Variants in SLC28A1 observed in about 807,000 individuals in gnomAD.
SLC28A1 encodes the protein sodium/nucleoside cotransporter 1.
SLC28A1 carries 64 observed loss-of-function variants against 74.8 expected under a neutral mutation model. The ratio of observed to expected loss-of-function variants is 0.86; its 90% confidence interval spans 0.70 to 1.05. SLC28A1 has a LOEUF of 1.05. Among genes scored for constraint, SLC28A1 ranks in the 50% least tolerant of loss-of-function variants. The probability of loss-of-function intolerance (pLI) is 0.00; values close to 1 mark genes in which losing one functional copy is unlikely to be tolerated. For synonymous variants in SLC28A1, 359 were observed against 335.0 expected, an observed-to-expected ratio of 1.07 and a Z score of -0.78; for missense variants, 828 against 822.8, an observed-to-expected ratio of 1.01 and a Z score of -0.08.
intron 3 of SLC28A1, 46 bp from the exon 4 acceptor site, chr15:84,888,726 G>A (rs541757744): frequency 4.3e-6 from 6 of 1,393,188 alleles, no homozygotes; most frequent in African/African-American, 1.4e-5. Flanking sequence ...AGTTCCTGGG[G>A]GTGGGTAAGG....
intron 12 of SLC28A1, among the ~76,000 whole-genome samples, chr15:84,932,150 C>T (rs1971382094): frequency 6.6e-6 from 1 of 152,192 alleles, no homozygotes; most frequent in African/African-American, 2.4e-5. Context: ...TTTGGTTCTT[C>T]TCTACCTGCA....
intron 18 of SLC28A1, 47 bp downstream of exon 18, chr15:84,944,914 C>T: frequency 1.4e-6 from 2 of 1,380,402 alleles, no homozygotes; most frequent in Non-Finnish European, 2.1e-6. Context: ...CAGTGATAGA[C>T]AGAATGCCTG....
At chr15:84,910,327 C>T (rs943457932) in intron 9 of SLC28A1, among the ~76,000 whole-genome samples, 4 of 152,208 alleles carry the variant, frequency 2.6e-5, no homozygotes, top group Admixed American at 2.6e-4. Context: ...TTTGCATAAC[C>T]AATGCGGGGG....
At chr15:84,915,719 A>C (rs761459352) in intron 9 of SLC28A1, among the ~76,000 whole-genome samples, 22 of 152,148 alleles carry the variant, frequency 1.4e-4, no homozygotes, top group Non-Finnish European at 2.2e-4. Context: ...GCTAGTGACT[A>C]TCCCTTCTTG....
chr15:84,935,345 C>T lies in SLC28A1; in HGVS notation c.1408C>T (p.Pro470Ser). 1 of 1,614,228 alleles carries T rather than the reference C, an allele frequency of 6.2e-7. No homozygotes were observed. Among genetic ancestry groups the T allele is most frequent in the East Asian group, 2.2e-5 (1 of 44,882 alleles). ...GCTCATCTGCTCCTACATCCTGCGGCCTGTAGCCTTCTTGATGGGTGTGGC... is the reference window on the plus strand; with the variant it reads ...GCTCATCTGCTCCTACATCCTGCGGTCTGTAGCCTTCTTGATGGGTGTGGC... The part of the protein sequence containing the change: ...FQLICSYILR[P>S]VAFLMGVAWE... The change falls in exon 15 of 19, where the codon CCT becomes TCT. Residue 470 changes from proline (P) to serine (S), a missense_variant. Around this residue, in one of 3 missense-constraint regions of SLC28A1, gnomAD observed 767 missense variants for 753.5 expected, o/e 1.02. Transcript: ENST00000394573.
At chr15:84,961,554 T>C in the SLC28A1 span, 2 of 452,886 alleles carry the variant, frequency 4.4e-6, no homozygotes, top group Non-Finnish European at 8.9e-6. Flanking sequence ...TTGACCAGGC[T>C]GGTCTTGAAC....
At position 84,905,652 on chromosome 15, in the gene SLC28A1, G is replaced by A; in HGVS notation, c.717G>A (p.Arg239=). 1.2e-6 allele frequency: 2 copies of A among 1,607,558 alleles called. No individual in the cohort carries two copies. Among genetic ancestry groups the A allele is most frequent in the Non-Finnish European group, 1.7e-6 (2 of 1,174,146 alleles). ...IAFEWLGEQI[R]IFLSYTKAGS... Reference sequence around the variant, plus strand: ...TCGAGTGGCTGGGCGAGCAGATCCGGGTAGGTATGTGGGGTCTGGCTGCCC... The same window carrying A: ...TCGAGTGGCTGGGCGAGCAGATCCGAGTAGGTATGTGGGGTCTGGCTGCCC... The change falls in exon 8 of 19, where the codon CGG becomes CGA. Residue 239 remains arginine (R), a splice_region_variant and synonymous_variant. Transcript: ENST00000394573.
intron 6 of SLC28A1, among the ~76,000 whole-genome samples, chr15:84,899,772 A>T (rs772167615): frequency 6.6e-6 from 1 of 152,194 alleles, no homozygotes; most frequent in Non-Finnish European, 1.5e-5. Flanking sequence ...TCACACCTGT[A>T]GTCCCAGCTG....
At chr15:84,904,021 TC>T in intron 6 of SLC28A1, 75 bp from the exon 7 acceptor site, 1 of 1,595,264 alleles carries the variant, frequency 6.3e-7, no homozygotes, top group Non-Finnish European at 8.6e-7. Flanking sequence ...TTTCTCTGGG[TC>T]CCCGGGTGCT....
intron 8 of SLC28A1, among the ~76,000 whole-genome samples, chr15:84,906,528 G>GTTTGTTTCTTTC (rs1338402066): frequency 1.6e-5 from 1 of 61,994 alleles, no homozygotes. Flanking sequence ...TTGTTTGTTT[G>GTTTGTTTCTTTC]TTTCTTTCTT....
At chr15:84,956,468 C>CTTCTTTCTTTCTTTCTTTCT in the SLC28A1 span, among the ~76,000 whole-genome samples, 19 of 67,126 alleles carry the variant, frequency 2.8e-4, no homozygotes, top group African/African-American at 8.0e-4. Context: ...TCTTTCTTTC[C>CTTCTTTCTTTCTTTCTTTCT]TTCTTTCTTT....
At chr15:84,901,789 G>A (rs902286834) in intron 6 of SLC28A1, among the ~76,000 whole-genome samples, 1 of 152,208 alleles carries the variant, frequency 6.6e-6, no homozygotes, top group African/African-American at 2.4e-5. Flanking sequence ...CACAATTGCT[G>A]TAGAAAACAG....
chr15:84,895,695 A>G, intron 6 of SLC28A1: 1 of 1,391,508 alleles, frequency 7.2e-7, no homozygotes, highest in South Asian at 1.6e-5. Context: ...CCATTTCACC[A>G]GGCAGCTCTA....
chr15:84,953,455 C>T, the SLC28A1 span, among the ~76,000 whole-genome samples: 3 of 152,262 alleles, frequency 2.0e-5, no homozygotes, highest in South Asian at 6.2e-4. Context: ...AAGCCTGAGC[C>T]AGGTGGCTCA....
intron 9 of SLC28A1, among the ~76,000 whole-genome samples, chr15:84,913,814 A>G (rs539130378): frequency 1.9e-4 from 29 of 151,300 alleles, no homozygotes; most frequent in African/African-American, 7.0e-4. Context: ...TCACACTTCT[A>G]GAGGCTGGAA....
At chr15:84,958,068 C>T in the SLC28A1 span, among the ~76,000 whole-genome samples, 1 of 152,138 alleles carries the variant, frequency 6.6e-6, no homozygotes, top group African/African-American at 2.4e-5. Flanking sequence ...CTTAGAATTT[C>T]TGAAGAAAAC....
chr15:84,908,894 A>AGGG, intron 9 of SLC28A1, 99 bp downstream of exon 9: 1 of 989,900 alleles, frequency 1.0e-6, no homozygotes, highest in Admixed American at 1.8e-5. Context: ...GGTGGAGGGG[A>AGGG]GGAGTCCTGT....
chr15:84,939,044 G>T (rs1454653265), intron 15 of SLC28A1, among the ~76,000 whole-genome samples: 1 of 152,238 alleles, frequency 6.6e-6, no homozygotes, highest in African/African-American at 2.4e-5. Context: ...TGGAGGCTGG[G>T]TGTGGTGGCT....
At chr15:84,886,447 A>G (rs774146824) in intron 1 of SLC28A1, 78 of 985,308 alleles carry the variant, frequency 7.9e-5, no homozygotes, top group Non-Finnish European at 9.2e-5. Context: ...GGCCTGGAAG[A>G]GGTCAGTTTG....
Sources: gnomAD v4.1 joint callset for allele counts (sites outside exome capture counted in the v4.1 genomes callset) on GRCh38, gnomAD v4.1.1 for gene constraint, gnomAD v4.1.1 regional missense constraint, MANE v1.5 for transcripts, NCBI Gene and HGNC (gene_info 2026-07-23, HGNC 2026-07-21) for gene names.